The following XYLT1 variants were observed in gnomAD, a reference collection of about 807,000 sequenced individuals.
XYLT1 encodes the protein beta-D-xylosyltransferase 1.
XYLT1 carries 36 observed loss-of-function variants against 91.3 expected under a neutral mutation model. The observed-to-expected ratio is 0.39, with a 90% confidence interval of 0.30 to 0.52. The LOEUF is 0.52. Among genes scored for constraint, XYLT1 ranks in the 20% least tolerant of loss-of-function variants. XYLT1 has a pLI of 0.68. For synonymous variants in XYLT1, 588 were observed against 532.0 expected, an observed-to-expected ratio of 1.11 and a Z score of -1.45; for missense variants, 1,242 against 1,284.5, an observed-to-expected ratio of 0.97 and a Z score of 0.51.
chr16:17,129,097 A>AC (rs2030376203), intron 9 of XYLT1, among the ~76,000 whole-genome samples: 1 of 138,136 alleles, frequency 7.2e-6, no homozygotes, highest in Non-Finnish European at 1.6e-5. Flanking sequence ...AAAAAAAAAA[A>AC]CTTGAACAGT....
intron 1 of XYLT1, among the ~76,000 whole-genome samples, chr16:17,391,303 T>G (rs2035816507): frequency 6.6e-6 from 1 of 152,176 alleles, no homozygotes; most frequent in Non-Finnish European, 1.5e-5. Context: ...CAACCAGTAC[T>G]GTGTCCTCAC....
intron 3 of XYLT1, among the ~76,000 whole-genome samples, chr16:17,208,856 C>A (rs903676782): frequency 3.3e-5 from 5 of 152,146 alleles, no homozygotes; most frequent in African/African-American, 4.8e-5. Flanking sequence ...TCCTGAGGAG[C>A]TGAGACTACA....
intron 2 of XYLT1, among the ~76,000 whole-genome samples, chr16:17,305,325 A>C (rs183910610): frequency 6.6e-6 from 1 of 152,290 alleles, no homozygotes; most frequent in Non-Finnish European, 1.5e-5. Context: ...CCTCTGGATA[A>C]GAGCGAACAG....
chr16:17,115,244 G>C (rs1255409175), intron 11 of XYLT1, among the ~76,000 whole-genome samples: 1 of 148,408 alleles, frequency 6.7e-6, no homozygotes, highest in African/African-American at 2.5e-5. Context: ...CAAGGTGGGA[G>C]GGTTGGTTTA....
At chr16:17,127,541 T>C (rs1046574878) in intron 10 of XYLT1, 125 bp downstream of exon 10, 39 of 1,201,042 alleles carry the variant, frequency 3.2e-5, no homozygotes, top group Non-Finnish European at 4.3e-5. Flanking sequence ...CAGGGTTAGC[T>C]TATCTTTAGG....
chr16:17,328,711 C>A (rs567263175), intron 2 of XYLT1, among the ~76,000 whole-genome samples: 2 of 152,072 alleles, frequency 1.3e-5, no homozygotes. Context: ...GATGCCCGTG[C>A]GCAACCATCA....
At position 17,336,347 on chromosome 16, in the gene XYLT1, C is replaced by G. The variant is rs905820142; in HGVS notation, c.402+21665G>C. The stretch of plus-strand genomic sequence containing the variant: ...TGTTTCCCAATACTGTCATCTGATT[C>G]TGTTTTCTGTCAGGGAAATAAAATA... On this transcript the variant is annotated intron_variant, in intron 2 of 11. Transcript: ENST00000261381. 3.3e-5 allele frequency among the ~76,000 whole-genome samples: 5 copies of G among 152,340 alleles called. No individual in the cohort carries two copies. The East Asian group carries it at 5.8e-4, about 18-fold the overall frequency.
intron 2 of XYLT1, among the ~76,000 whole-genome samples, chr16:17,326,174 A>G (rs2034798149): frequency 2.2e-5 from 2 of 91,326 alleles, no homozygotes; most frequent in African/African-American, 1.5e-4. Flanking sequence ...GAACATTAAC[A>G]TGAGATCTAC....
At chr16:17,175,734 G>A (rs2031928782) in intron 5 of XYLT1, among the ~76,000 whole-genome samples, 1 of 152,204 alleles carries the variant, frequency 6.6e-6, no homozygotes, top group Non-Finnish European at 1.5e-5. Context: ...CATATAGCCA[G>A]ACAGGTGTGA....
chr16:17,134,339 GGCAAAGGAAGAGAGAAA>G, intron 9 of XYLT1, 117 bp downstream of exon 9: 1 of 1,254,806 alleles, frequency 8.0e-7, no homozygotes, highest in Non-Finnish European at 1.1e-6. Context: ...ATGAGTTTTG[GGCAAAGGAAGAGAGAAA>G]GCATAGGGTG....
At chr16:17,435,613 G>T (rs1389363439) in intron 1 of XYLT1, among the ~76,000 whole-genome samples, 2 of 150,618 alleles carry the variant, frequency 1.3e-5, no homozygotes, top group Non-Finnish European at 3.0e-5. Context: ...TTCCTGATGA[G>T]AAGGAAAAAA....
chr16:17,346,030 T>TG (rs1247881521), intron 2 of XYLT1, among the ~76,000 whole-genome samples: 1 of 152,120 alleles, frequency 6.6e-6, no homozygotes, highest in African/African-American at 2.4e-5. Context: ...AGGCTGGTCT[T>TG]GAACACCTGA....
chr16:17,117,943 G>A lies in XYLT1; in HGVS notation c.2260C>T (p.Arg754Cys), dbSNP rs374020411. 41 of 1,613,196 alleles carry A rather than the reference G, an allele frequency of 2.5e-5. No individual in the cohort carries two copies. The highest frequency in any genetic ancestry group is 1.2e-4 in the South Asian group (11 of 91,078). The change falls in exon 11 of 12, where the codon CGC becomes TGC. Residue 754 changes from arginine (R) to cysteine (C), a missense_variant. Around this residue, in one of 3 missense-constraint regions of XYLT1, gnomAD observed 511 missense variants for 497.0 expected, o/e 1.03. Coordinates refer to ENST00000261381, the MANE Select transcript of XYLT1 (RefSeq NM_022166.4). Reference protein sequence around the residue: ...TDWDAKERLFRNFGGLLGPMD... With the variant: ...TDWDAKERLFCNFGGLLGPMD... ...GGCCCCAGAAGACCCCCAAAGTTGC[G>A]GAATAGCCTCTCCTTGGCATCCCAG...
intron 2 of XYLT1, among the ~76,000 whole-genome samples, chr16:17,311,944 A>G (rs1409385344): frequency 2.0e-5 from 3 of 152,154 alleles, no homozygotes; most frequent in Non-Finnish European, 4.4e-5. Flanking sequence ...AACTGCCCCG[A>G]TGATTCAGTT....
chr16:17,351,459 G>A (rs973521117), intron 2 of XYLT1, among the ~76,000 whole-genome samples: 1 of 152,132 alleles, frequency 6.6e-6, no homozygotes, highest in Non-Finnish European at 1.5e-5. Context: ...GTTGCAGTGA[G>A]CCAAGATCAC....
At chr16:17,177,335 T>C (rs570900271) in intron 5 of XYLT1, among the ~76,000 whole-genome samples, 3 of 152,248 alleles carry the variant, frequency 2.0e-5, no homozygotes, top group Admixed American at 2.0e-4. Context: ...GATGGGTACT[T>C]CTCCAGGGAA....
chr16:17,246,684 G>A lies in XYLT1; in HGVS notation c.913+12304C>T, dbSNP rs549718445. ...ATGAGATCACACATGCAAAGTGCTC[G>A]CCTCCACACCTGGCATTCAGGAAGT... On this transcript the variant is annotated intron_variant, in intron 3 of 11. Transcript: ENST00000261381. Among the ~76,000 whole-genome samples, 140 of 152,296 alleles carry A rather than the reference G, an allele frequency of 9.2e-4. 1 individual carries two copies. Among genetic ancestry groups the A allele is most frequent in the African/African-American group, 3.2e-3 (134 of 41,550 alleles).
chr16:17,109,157 T>C, intron 11 of XYLT1, 140 bp from the exon 12 acceptor site: 1 of 934,580 alleles, frequency 1.1e-6, no homozygotes, highest in Non-Finnish European at 1.5e-6. Flanking sequence ...GAGGAAGTTC[T>C]TTTAGCAGTC....
intron 1 of XYLT1, among the ~76,000 whole-genome samples, chr16:17,427,656 TTCTACAA>T (rs2141928777): frequency 6.6e-6 from 1 of 152,272 alleles, no homozygotes; most frequent in Admixed American, 6.5e-5. Context: ...CAGAAGATGC[TTCTACAA>T]CAGCTGAATC....
Sources: allele counts gnomAD v4.1 joint callset (sites outside exome capture counted in the v4.1 genomes callset), GRCh38; gene constraint gnomAD v4.1.1; regional missense constraint gnomAD v4.1.1; transcripts MANE v1.5; gene names NCBI Gene and HGNC (gene_info 2026-07-23, HGNC 2026-07-21).